SS18L1: variants seen among roughly 807,000 people sequenced by gnomAD.
The protein encoded by SS18L1 is SS18L1 subunit of BAF chromatin remodeling complex.
SS18L1 carries 32 observed loss-of-function variants against 70.3 expected under a neutral mutation model. The observed-to-expected ratio is 0.46, with a 90% CI of 0.34 to 0.61. The LOEUF (loss-of-function observed/expected upper bound fraction) is 0.61, where lower values mean the gene tolerates loss of function less well. Ranked by LOEUF, SS18L1 falls within the 20% of genes least tolerant of loss-of-function variation. SS18L1 has a pLI of 0.01. For missense variants in SS18L1, 430 were observed against 542.1 expected (o/e 0.79, Z 2.05); for synonymous variants, 237 against 229.7 (o/e 1.03, Z -0.29).
Position 62,161,370 on chromosome 20 carries a change from C to T in SS18L1, c.232-66C>T, listed in dbSNP as rs2057326337. The T allele has an allele frequency of 6.2e-7, 1 of 1,611,446 alleles. No individual in the cohort carries two copies. Among genetic ancestry groups the T allele is most frequent in the Non-Finnish European group, 8.5e-7 (1 of 1,179,276 alleles). The stretch of plus-strand genomic sequence containing the variant: ...TCTCGGGTGCCCTCTCATCCCTGGC[C>T]TGGCTTGTGGAGGTCGCTCTCCGTA... On this transcript the variant is annotated intron_variant, in intron 3 of 10. Transcript: ENST00000331758. The surrounding 1 kb of genome is among the most constrained non-coding windows in gnomAD (Gnocchi z 4.4).
At chr20:62,146,547 G>A (rs963181546) in intron 1 of SS18L1, among the ~76,000 whole-genome samples, 7 of 150,660 alleles carry the variant, frequency 4.6e-5, no homozygotes, top group African/African-American at 1.2e-4. Flanking sequence ...TGATGACTGC[G>A]GGCAGCCCTT....
intron 8 of SS18L1, 132 bp from the exon 9 acceptor site, chr20:62,172,550 G>GA (rs940809039): frequency 7.3e-7 from 1 of 1,374,108 alleles, no homozygotes; most frequent in African/African-American, 1.4e-5. Context: ...GAATGGTTGT[G>GA]AAAAAATAAA....
intron 1 of SS18L1, among the ~76,000 whole-genome samples, chr20:62,145,171 C>T (rs1192924421): frequency 6.6e-6 from 1 of 152,246 alleles, no homozygotes; most frequent in Non-Finnish European, 1.5e-5. Context: ...TTATGTGGCG[C>T]TTACCGTATC....
At chr20:62,178,955 G>T (rs1264892666) in intron 10 of SS18L1, among the ~76,000 whole-genome samples, 1 of 152,250 alleles carries the variant, frequency 6.6e-6, no homozygotes, top group East Asian at 1.9e-4. Context: ...CCCGGCCGCA[G>T]CGATGCCAGT....
rs1568745480 is a variant in SS18L1, at chr20:62,158,555, C to T, written c.70-117C>T. 4.1e-6 allele frequency: 6 copies of T among 1,454,688 alleles called. No homozygotes were observed. The highest frequency in any genetic ancestry group is 2.8e-5 in the African/African-American group (2 of 71,174). 90.1% of individuals were successfully genotyped at this position (1,454,688 alleles called of 1,614,324 possible). On this transcript the variant is annotated intron_variant, in intron 1 of 10. Coordinates refer to ENST00000331758, the MANE Select transcript of SS18L1 (RefSeq NM_198935.3). This position sits in a 1 kb window ranked among gnomAD's most constrained non-coding sequence, Gnocchi z 4.5. ...ATCTGGAAAAATCTGAAATCTGACA[C>T]GTTTCACGTAAGGGACGCTCAACCT... is the stretch of plus-strand genomic sequence containing the variant.
intron 1 of SS18L1, among the ~76,000 whole-genome samples, chr20:62,154,692 G>A (rs1168536804): frequency 6.6e-6 from 1 of 152,202 alleles, no homozygotes; most frequent in African/African-American, 2.4e-5. Flanking sequence ...CTCCTGTCAT[G>A]TTTAGGATCT....
chr20:62,167,719 C>T (rs189480793), intron 8 of SS18L1, among the ~76,000 whole-genome samples: 11 of 152,320 alleles, frequency 7.2e-5, no homozygotes, highest in Non-Finnish European at 1.0e-4. Flanking sequence ...TTGTCCATGG[C>T]GAGGTGTCCA....
chr20:62,156,204 A>T (rs574163666), intron 1 of SS18L1, among the ~76,000 whole-genome samples: 9 of 152,204 alleles, frequency 5.9e-5, no homozygotes, highest in Non-Finnish European at 1.2e-4. Context: ...CGCCGTGTCT[A>T]GTTCGTGTCC....
chr20:62,173,904 C>T (rs555718761), intron 9 of SS18L1, among the ~76,000 whole-genome samples: 131 of 151,542 alleles, frequency 8.6e-4, no homozygotes, highest in African/African-American at 3.2e-3. Flanking sequence ...GTCCCAGCTA[C>T]TTGGGAGGCT....
At position 62,158,820 on chromosome 20, in the gene SS18L1, C is replaced by T. The variant is rs1293607982; in HGVS notation, c.146+72C>T. ...GTCTAAGCACAGAGGCCAGATACGT[C>T]CCAAGAGTCCCCCAGCACAGAGATC... On this transcript the variant is annotated intron_variant, in intron 2 of 10. Coordinates refer to ENST00000331758, the MANE Select transcript of SS18L1 (RefSeq NM_198935.3). The surrounding 1 kb of genome is among the most constrained non-coding windows in gnomAD (Gnocchi z 4.5). The T allele has an allele frequency of 1.2e-6, 2 of 1,612,088 alleles. No individual in the cohort carries two copies. Among genetic ancestry groups the T allele is most frequent in the South Asian group, 1.1e-5 (1 of 91,000 alleles).
intron 5 of SS18L1, among the ~76,000 whole-genome samples, 186 bp from the exon 6 acceptor site, chr20:62,163,272 G>A (rs953563802): frequency 2.0e-5 from 3 of 152,148 alleles, no homozygotes; most frequent in Non-Finnish European, 4.4e-5. Context: ...CAAGCAGCGG[G>A]TCTGAGCTTG....
In SS18L1 at chr20:62,153,232, C is replaced by T. The variant is rs1038709508; in HGVS notation, c.70-5440C>T. The stretch of plus-strand genomic sequence containing the variant: ...CAAGAACTGCATGGGGGAGACAGCT[C>T]CCATCCATCTAATTTCTTCCCACTG... On this transcript the variant is annotated intron_variant, in intron 1 of 10. Transcript: ENST00000331758. Among the ~76,000 whole-genome samples, 3 of 152,240 alleles carry T rather than the reference C, an allele frequency of 2.0e-5. No individual in the cohort carries two copies. The South Asian group carries it at 6.2e-4, about 31-fold the overall frequency.
intron 1 of SS18L1, among the ~76,000 whole-genome samples, chr20:62,157,078 C>A (rs1056630467): frequency 1.3e-5 from 2 of 152,138 alleles, no homozygotes; most frequent in Non-Finnish European, 2.9e-5. Context: ...TGGGTCTCCG[C>A]GGGCCACCCA....
intron 1 of SS18L1, among the ~76,000 whole-genome samples, chr20:62,152,590 A>G (rs1456640669): frequency 6.6e-6 from 1 of 152,116 alleles, no homozygotes; most frequent in Non-Finnish European, 1.5e-5. Context: ...GCTGGGAAAC[A>G]GTGTCTGCAG....
rs2145779337 is a variant in SS18L1 at position 62,172,671 on chromosome 20, C to T, written c.917-11C>T. 1 of 1,614,162 alleles carries T rather than the reference C, an allele frequency of 6.2e-7. No individual in the cohort carries two copies. Among genetic ancestry groups the T allele is most frequent in the South Asian group, 1.1e-5 (1 of 91,082 alleles). On this transcript the variant is annotated splice_polypyrimidine_tract_variant and intron_variant, in intron 8 of 10. Transcript: ENST00000331758. ...GGGGAAAGTCATTTCTGTGTCTCCT[C>T]CTCCCTCCAGGAAACTCCCAGTACA... is the stretch of plus-strand genomic sequence containing the variant.
At chr20:62,154,515 C>A in intron 1 of SS18L1, 1 of 1,018,116 alleles carries the variant, frequency 9.8e-7, no homozygotes, top group Non-Finnish European at 1.2e-6. Flanking sequence ...CCATCGGCCC[C>A]CCAGAGGTCT....
At chr20:62,144,386 C>T (rs1433440080) in intron 1 of SS18L1, among the ~76,000 whole-genome samples, 1 of 152,198 alleles carries the variant, frequency 6.6e-6, no homozygotes, top group Non-Finnish European at 1.5e-5. Context: ...GGTCGGCCTC[C>T]GGGCGCACTT....
chr20:62,160,830 A>G (rs1195489547), intron 3 of SS18L1, among the ~76,000 whole-genome samples: 13 of 152,036 alleles, frequency 8.6e-5, no homozygotes, highest in Non-Finnish European at 1.5e-5. Context: ...CCTGGTGGAA[A>G]TTTCCTTTTC....
chr20:62,147,410 T>C lies in SS18L1; in HGVS notation c.69+3521T>C, dbSNP rs1482274993. Reference sequence around the variant, plus strand: ...CCAGCTGGGGACTGTAGTGTTCTGTTGTCCAGTGCGTGCTCCTTACGCTGC... The same window carrying C: ...CCAGCTGGGGACTGTAGTGTTCTGTCGTCCAGTGCGTGCTCCTTACGCTGC... On this transcript the variant is annotated intron_variant, in intron 1 of 10. Transcript: ENST00000331758. 2.0e-5 allele frequency among the ~76,000 whole-genome samples: 3 copies of C among 152,120 alleles called. No homozygotes were observed. The East Asian group carries it at 5.8e-4, about 29-fold the overall frequency.
Sources: allele counts gnomAD v4.1 joint callset (sites outside exome capture counted in the v4.1 genomes callset), GRCh38; gene constraint gnomAD v4.1.1; non-coding constraint Gnocchi (gnomAD v3.1); transcripts MANE v1.5; gene names NCBI Gene and HGNC (gene_info 2026-07-23, HGNC 2026-07-21).